FSIP1: variants seen among roughly 807,000 people sequenced by gnomAD.
FSIP1 encodes fibrous sheath-interacting protein 1.
FSIP1 carries 65 observed loss-of-function variants against 60.9 expected under a neutral mutation model. That is an observed-to-expected ratio of 1.07 (90% CI 0.87 to 1.31). The LOEUF is 1.31. FSIP1 is among the 40% of genes most tolerant of loss of function. The pLI, the probability that FSIP1 is intolerant of heterozygous loss-of-function variation, is 0.00. For missense variants in FSIP1, 675 were observed against 665.5 expected (o/e 1.01, Z -0.16); for synonymous variants, 209 against 221.2 (o/e 0.94, Z 0.49).
intron 2 of FSIP1, among the ~76,000 whole-genome samples, chr15:39,772,106 G>A (rs921327038): frequency 2.0e-5 from 3 of 152,154 alleles, no homozygotes; most frequent in Admixed American, 6.5e-5. Flanking sequence ...GTACAAAGGT[G>A]AAGCTGGAGA....
intron 11 of FSIP1, among the ~76,000 whole-genome samples, chr15:39,612,207 C>T (rs1207336513): frequency 6.6e-6 from 1 of 152,142 alleles, no homozygotes; most frequent in African/African-American, 2.4e-5. Context: ...CAAGAAAATA[C>T]ACATTCTTCT....
intron 11 of FSIP1, among the ~76,000 whole-genome samples, chr15:39,611,308 T>C (rs1263923676): frequency 1.3e-5 from 2 of 152,192 alleles, no homozygotes; most frequent in African/African-American, 4.8e-5. Flanking sequence ...ATAAGATATT[T>C]TGTTGTTGTT....
intron 10 of FSIP1, among the ~76,000 whole-genome samples, chr15:39,685,692 C>T (rs75847565): frequency 0.015 from 2,309 of 152,270 alleles, 50 homozygotes; most frequent in African/African-American, 0.053. Flanking sequence ...TTACTGAACA[C>T]ATCTCATCTG....
intron 1 of FSIP1, among the ~76,000 whole-genome samples, chr15:39,777,620 G>C (rs374002567): frequency 3.3e-5 from 5 of 152,210 alleles, no homozygotes; most frequent in African/African-American, 1.2e-4. Flanking sequence ...CTTCCAAACT[G>C]TGTGGCTGAC....
intron 10 of FSIP1, among the ~76,000 whole-genome samples, chr15:39,638,050 A>T (rs1892207687): frequency 6.6e-6 from 1 of 152,246 alleles, no homozygotes; most frequent in South Asian, 2.1e-4. Flanking sequence ...TGCAAATTAG[A>T]GAATCTGGAA....
At chr15:39,752,854 CTG>C (rs140417927) in intron 5 of FSIP1, among the ~76,000 whole-genome samples, 1,628 of 151,924 alleles carry the variant, frequency 0.011, 14 homozygotes, top group Non-Finnish European at 0.016. Context: ...ATAAGGGAAA[CTG>C]GGGGTGGGTA....
chr15:39,774,807 T>C (rs969098765), intron 2 of FSIP1, among the ~76,000 whole-genome samples: 1 of 152,212 alleles, frequency 6.6e-6, no homozygotes, highest in African/African-American at 2.4e-5. Context: ...CATCTCTGCA[T>C]GTCTAGTCAC....
intron 10 of FSIP1, among the ~76,000 whole-genome samples, chr15:39,673,967 C>T (rs1893822370): frequency 6.6e-6 from 1 of 151,444 alleles, no homozygotes; most frequent in African/African-American, 2.4e-5. Context: ...TTCATAAAAG[C>T]ATTTAATAAA....
intron 10 of FSIP1, among the ~76,000 whole-genome samples, chr15:39,641,754 C>A (rs760106500): frequency 1.3e-5 from 2 of 152,284 alleles, no homozygotes; most frequent in East Asian, 3.9e-4. Context: ...TATGTCATAA[C>A]AAAACCGCGC....
At chr15:39,634,324 C>T (rs974366291) in intron 10 of FSIP1, among the ~76,000 whole-genome samples, 2 of 152,148 alleles carry the variant, frequency 1.3e-5, no homozygotes, top group African/African-American at 4.8e-5. Flanking sequence ...CTTACTATCA[C>T]CAAATCCCTC....
intron 5 of FSIP1, among the ~76,000 whole-genome samples, chr15:39,758,717 G>C (rs972183641): frequency 1.5e-4 from 23 of 149,412 alleles, no homozygotes; most frequent in Admixed American, 1.5e-3. Flanking sequence ...AAATAATGTA[G>C]TCATTGCTAA....
intron 10 of FSIP1, among the ~76,000 whole-genome samples, chr15:39,661,802 GC>G (rs758698504): frequency 4.6e-5 from 7 of 152,100 alleles, no homozygotes; most frequent in Non-Finnish European, 8.8e-5. Flanking sequence ...GTAGAGTTCT[GC>G]CCAGCTGGAA....
At chr15:39,663,359 GATATAA>G (rs147035772) in intron 10 of FSIP1, among the ~76,000 whole-genome samples, 23,273 of 151,836 alleles carry the variant, frequency 0.15, 2,359 homozygotes, top group African/African-American at 0.28. Context: ...GAGAACATAA[GATATAA>G]ATATAAATAG....
intron 1 of FSIP1, among the ~76,000 whole-genome samples, chr15:39,777,051 C>CA (rs139505556): frequency 0.089 from 13,605 of 152,016 alleles, 718 homozygotes; most frequent in African/African-American, 0.12. Context: ...CTCAGCCTCC[C>CA]AAGTAGCTGG....
At chr15:39,646,973 G>GA (rs1892642698) in intron 10 of FSIP1, among the ~76,000 whole-genome samples, 1 of 152,040 alleles carries the variant, frequency 6.6e-6, no homozygotes, top group Non-Finnish European at 1.5e-5. Flanking sequence ...GACACAGAAA[G>GA]AAAAATACTG....
intron 10 of FSIP1, among the ~76,000 whole-genome samples, chr15:39,710,029 T>A (rs1451905824): frequency 6.6e-6 from 1 of 152,126 alleles, no homozygotes; most frequent in Non-Finnish European, 1.5e-5. Flanking sequence ...GTCTCCAGAT[T>A]CCCGGCTGAA....
Position 39,729,038 on chromosome 15 carries a change from T to G in FSIP1, c.892-2291A>C, listed in dbSNP as rs535761833. On this transcript the variant is annotated intron_variant, in intron 8 of 11. Transcript: ENST00000350221. The stretch of plus-strand genomic sequence containing the variant: ...TGAAAAATGCAAACCAAAACCACAA[T>G]GAGATACCATCTCACACCAGTCAGA... 2.6e-5 allele frequency among the ~76,000 whole-genome samples: 4 copies of G among 152,050 alleles called. No homozygotes were observed. The East Asian group carries it at 5.8e-4, about 22-fold the overall frequency.
chr15:39,637,636 G>C (rs530563836), intron 10 of FSIP1, among the ~76,000 whole-genome samples: 1 of 152,262 alleles, frequency 6.6e-6, no homozygotes, highest in African/African-American at 2.4e-5. Context: ...ATTCCTGATA[G>C]GCTAGGTCTA....
intron 10 of FSIP1, among the ~76,000 whole-genome samples, chr15:39,647,821 T>A (rs1436667753): frequency 6.6e-6 from 1 of 152,180 alleles, no homozygotes; most frequent in Non-Finnish European, 1.5e-5. Context: ...ATCTACTGCA[T>A]AAGGACAAAT....
Sources: allele counts gnomAD v4.1 joint callset (sites outside exome capture counted in the v4.1 genomes callset), GRCh38; gene constraint gnomAD v4.1.1; transcripts MANE v1.5; gene names NCBI Gene and HGNC (gene_info 2026-07-23, HGNC 2026-07-21).